Variants in LIN7A observed in about 807,000 individuals in gnomAD.
LIN7A encodes lin-7 cell polarity scaffold A.
In LIN7A, 25 loss-of-function variants were observed where a neutral mutation model predicts 29.8. The observed-to-expected ratio is 0.84, with a 90% CI of 0.61 to 1.17. The LOEUF (loss-of-function observed/expected upper bound fraction) is 1.17, where lower values mean the gene tolerates loss of function less well. LIN7A is among the 50% of genes most tolerant of loss of function. LIN7A has a pLI of 0.00. For synonymous variants in LIN7A, 118 were observed against 107.5 expected (o/e 1.10, Z -0.60); for missense variants, 239 against 287.0 (o/e 0.83, Z 1.21).
chr12:80,917,975 G>A lies in LIN7A; in HGVS notation c.82+19666C>T, dbSNP rs137954665. Among the ~76,000 whole-genome samples, 446 of 152,176 alleles carry A rather than the reference G, an allele frequency of 2.9e-3. 1 individual carries two copies. The highest frequency in any genetic ancestry group is 8.9e-3 in the African/African-American group (370 of 41,542). On this transcript the variant is annotated intron_variant, in intron 1 of 5. Transcript: ENST00000552864. ...AATAAATGTTTGAGTGCTATCTTTC[G>A]TTTTACCATCTCCAGTATGCCTTGG... is the stretch of plus-strand genomic sequence containing the variant.
chr12:80,883,202 A>T (rs1045653318), intron 2 of LIN7A, among the ~76,000 whole-genome samples: 11 of 150,306 alleles, frequency 7.3e-5, no homozygotes. Context: ...TATTATCCTT[A>T]TTTTATCTCA....
intron 1 of LIN7A, among the ~76,000 whole-genome samples, chr12:80,895,246 C>T (rs1875825170): frequency 1.3e-5 from 2 of 152,074 alleles, no homozygotes; most frequent in South Asian, 4.1e-4. Context: ...AAAAGACTTC[C>T]TTCAAAATAG....
chr12:80,825,345 C>T (rs1872012575), intron 4 of LIN7A, among the ~76,000 whole-genome samples: 1 of 152,206 alleles, frequency 6.6e-6, no homozygotes, highest in African/African-American at 2.4e-5. Flanking sequence ...CTCCTTCTGC[C>T]ACTGCAGAAT....
intron 1 of LIN7A, among the ~76,000 whole-genome samples, chr12:80,907,138 T>C (rs141044798): frequency 4.0e-4 from 60 of 151,458 alleles, no homozygotes; most frequent in African/African-American, 9.2e-4. Flanking sequence ...TACTTAGCAT[T>C]GTGCCTGGCA....
chr12:80,852,367 A>T (rs1435039973), intron 2 of LIN7A, among the ~76,000 whole-genome samples: 1 of 152,152 alleles, frequency 6.6e-6, no homozygotes, highest in Non-Finnish European at 1.5e-5. Context: ...ATTGGTACAG[A>T]AAGCTAGGTA....
chr12:80,816,978 G>T (rs1871566756), intron 4 of LIN7A, among the ~76,000 whole-genome samples: 1 of 152,170 alleles, frequency 6.6e-6, no homozygotes, highest in Non-Finnish European at 1.5e-5. Flanking sequence ...ACATTGGCCA[G>T]GCTGATCTCG....
intron 1 of LIN7A, among the ~76,000 whole-genome samples, chr12:80,895,098 T>C (rs1565919250): frequency 6.6e-6 from 1 of 152,178 alleles, no homozygotes; most frequent in Non-Finnish European, 1.5e-5. Context: ...CATTGTGAGC[T>C]TGGGTAAACA....
At chr12:80,877,868 G>GAAAA (rs1169752162) in intron 2 of LIN7A, among the ~76,000 whole-genome samples, 4 of 129,742 alleles carry the variant, frequency 3.1e-5, no homozygotes, top group African/African-American at 1.1e-4. Flanking sequence ...GCACTGGGAA[G>GAAAA]AAAAAAAAAA....
chr12:80,888,886 G>A (rs1432953958), intron 2 of LIN7A, among the ~76,000 whole-genome samples: 3 of 152,110 alleles, frequency 2.0e-5, no homozygotes, highest in Non-Finnish European at 4.4e-5. Flanking sequence ...TTACCTGGGA[G>A]AGAATTAGTT....
chr12:80,856,576 TACAAG>T, intron 2 of LIN7A, among the ~76,000 whole-genome samples: 1 of 152,326 alleles, frequency 6.6e-6, no homozygotes, highest in East Asian at 1.9e-4. Context: ...ACAAAGGACA[TACAAG>T]ACCTTCGTGT....
chr12:80,901,728 G>A (rs1432049476), intron 1 of LIN7A, among the ~76,000 whole-genome samples: 1 of 143,396 alleles, frequency 7.0e-6, no homozygotes, highest in Non-Finnish European at 1.5e-5. Context: ...TCCTATACTA[G>A]CAAATGGATG....
At chr12:80,861,843 C>T (rs920483393) in intron 2 of LIN7A, among the ~76,000 whole-genome samples, 3 of 152,340 alleles carry the variant, frequency 2.0e-5, no homozygotes, top group Admixed American at 1.3e-4. Flanking sequence ...GTTCCTGGAG[C>T]AGGCAGCTCT....
chr12:80,899,765 C>CTTTTTTTTTTTTTTTTTTTTTTTTTTT lies in LIN7A; in HGVS notation c.83-10397_83-10396insAAAAAAAAAAAAAAAAAAAAAAAAAAA, dbSNP rs760389788. 1.3e-4 allele frequency among the ~76,000 whole-genome samples: 14 copies of CTTTTTTTTTTTTTTTTTTTTTTTTTTT among 109,992 alleles called. 6 individuals carry two copies. The highest frequency in any genetic ancestry group is 1.8e-4 in the Non-Finnish European group (9 of 51,268). The allele number at this position is 109,992 out of a possible 152,430, so 72.2% of individuals were successfully genotyped here. A position where few individuals can be genotyped will look rare whatever the true frequency, so the allele number is the denominator to read the frequency against. ...CATTTCCTCTAGGTTTTCTTTTTTT[C>CTTTTTTTTTTTTTTTTTTTTTTTTTTT]TTTTCTTTTTTTTTTTTTTTTGAGA... On this transcript the variant is annotated intron_variant, in intron 1 of 5. Transcript: ENST00000552864.
At position 80,900,770 on chromosome 12, in the gene LIN7A, A is replaced by C. The variant is rs141748858; in HGVS notation, c.83-11401T>G. Among the ~76,000 whole-genome samples, 1,087 of 152,270 alleles carry C rather than the reference A, an allele frequency of 7.1e-3. 22 individuals are homozygous for C. The highest frequency in any genetic ancestry group is 0.025 in the African/African-American group (1,037 of 41,558). On this transcript the variant is annotated intron_variant, in intron 1 of 5. Transcript: ENST00000552864. ...TAAATCAAAATTTCATATTCTATTTATGTAAGTATTTGTATTCACTAGTTA... is the reference window on the plus strand; with the variant it reads ...TAAATCAAAATTTCATATTCTATTTCTGTAAGTATTTGTATTCACTAGTTA...
At chr12:80,928,631 A>G (rs1592957777) in intron 1 of LIN7A, among the ~76,000 whole-genome samples, 1 of 152,064 alleles carries the variant, frequency 6.6e-6, no homozygotes, top group Non-Finnish European at 1.5e-5. Flanking sequence ...ATTTTCTCCC[A>G]TTCTGTAGGT....
rs902985773 is a variant in LIN7A at position 80,835,890 on chromosome 12, A to T, written c.483+9840T>A. Reference sequence around the variant, plus strand: ...AAGTTTGTAATTTTCATTAAATATGATGACAGAAAAAAAGGGAAAATTGCT... The same window carrying T: ...AAGTTTGTAATTTTCATTAAATATGTTGACAGAAAAAAAGGGAAAATTGCT... On this transcript the variant is annotated intron_variant, in intron 4 of 5. Coordinates refer to ENST00000552864, the MANE Select transcript of LIN7A (RefSeq NM_004664.4). Among the ~76,000 whole-genome samples the T allele has an allele frequency of 1.4e-4, 21 of 152,290 alleles. No homozygotes were observed. In the East Asian group the frequency reaches 4.1e-3, roughly 29 times the overall value.
Position 80,807,082 on chromosome 12 carries a change from T to TG in LIN7A, c.*4382_*4383insC, listed in dbSNP as rs1565883912. Among the ~76,000 whole-genome samples, 49 of 134,634 alleles carry TG rather than the reference T, an allele frequency of 3.6e-4. 2 individuals carry two copies. The highest frequency in any genetic ancestry group is 9.0e-4 in the African/African-American group (33 of 36,496). The allele number at this position is 134,634 out of a possible 152,430, so 88.3% of individuals were successfully genotyped here. ...GATGGAGTTTTTTTTTTTTTTTTTT[T>TG]TTTTTTTTTGACGGAGTCTCGCTCT... On this transcript the variant is annotated intron_variant, in intron 5 of 5. Coordinates refer to ENST00000552864, the MANE Select transcript of LIN7A (RefSeq NM_004664.4).
chr12:80,868,640 T>C (rs1257166341), intron 2 of LIN7A, among the ~76,000 whole-genome samples: 1 of 152,192 alleles, frequency 6.6e-6, no homozygotes, highest in African/African-American at 2.4e-5. Context: ...CTTAAATCTT[T>C]TCTTCATAGC....
intron 1 of LIN7A, among the ~76,000 whole-genome samples, chr12:80,927,711 A>AT (rs1045583442): frequency 7.9e-5 from 12 of 152,246 alleles, no homozygotes; most frequent in Admixed American, 2.0e-4. Context: ...GTTTTTCATC[A>AT]TTTTTTTAAA....
Sources: allele counts gnomAD v4.1 joint callset (sites outside exome capture counted in the v4.1 genomes callset), GRCh38; gene constraint gnomAD v4.1.1; transcripts MANE v1.5; gene names NCBI Gene and HGNC (gene_info 2026-07-23, HGNC 2026-07-21).